Variants in XKR9 observed in about 807,000 individuals in gnomAD.
The protein encoded by XKR9 is XK related 9.
XKR9 carries 32 observed loss-of-function variants against 32.0 expected under a neutral mutation model. The observed-to-expected ratio is 1.00, with a 90% CI of 0.76 to 1.34. The LOEUF (loss-of-function observed/expected upper bound fraction) is 1.34. XKR9 is among the 40% of genes most tolerant of loss of function. The pLI, the probability that XKR9 is intolerant of heterozygous loss-of-function variation, is 0.00. For missense variants in XKR9, 546 were observed against 429.7 expected (o/e 1.27, Z -2.39); for synonymous variants, 168 against 143.4 (o/e 1.17, Z -1.22).
downstream of XKR9, among the ~76,000 whole-genome samples, chr8:70,794,134 C>T (rs1290963274): frequency 2.0e-5 from 3 of 151,926 alleles, no homozygotes; most frequent in African/African-American, 7.3e-5. Context: ...GAATTTGTCT[C>T]CTTAAATTCA....
chr8:71,027,632 T>C, the XKR9 span, among the ~76,000 whole-genome samples: 2 of 152,078 alleles, frequency 1.3e-5, no homozygotes, highest in Non-Finnish European at 2.9e-5. Context: ...AGGTCTTTCC[T>C]TTTAATGACA....
At chr8:70,921,852 C>A in the XKR9 span, among the ~76,000 whole-genome samples, 9 of 152,142 alleles carry the variant, frequency 5.9e-5, no homozygotes, top group African/African-American at 2.2e-4. Flanking sequence ...CACCAGATAC[C>A]CTTTTTTTCT....
the XKR9 span, among the ~76,000 whole-genome samples, chr8:70,828,715 T>C: frequency 2.2e-5 from 3 of 134,340 alleles, no homozygotes; most frequent in African/African-American, 8.2e-5. Context: ...AGGAAGACTA[T>C]GTCTCAAAAA....
the XKR9 span, among the ~76,000 whole-genome samples, chr8:71,050,512 T>A: frequency 6.6e-6 from 1 of 152,066 alleles, no homozygotes; most frequent in South Asian, 2.1e-4. Context: ...ATATCATGGA[T>A]ATCTATCCGA....
At chr8:70,690,328 T>G (rs1406999560) in intron 3 of XKR9, among the ~76,000 whole-genome samples, 1 of 152,080 alleles carries the variant, frequency 6.6e-6, no homozygotes, top group East Asian at 1.9e-4. Context: ...TTCTTACAAT[T>G]TAGCTCCCAC....
At position 70,690,715 on chromosome 8, in the gene XKR9, T is replaced by A. The variant is rs116627590; in HGVS notation, c.272+9385T>A. On this transcript the variant is annotated intron_variant, in intron 3 of 4. Transcript: ENST00000408926. ...TATTCCTACGTTAGTTTGCTAAGGATGATAGCCTCCAGCTCCTTCTGTGTT... is the reference window on the plus strand; with the variant it reads ...TATTCCTACGTTAGTTTGCTAAGGAAGATAGCCTCCAGCTCCTTCTGTGTT... Among the ~76,000 whole-genome samples the A allele has an allele frequency of 6.4e-3, 972 of 152,312 alleles. 11 individuals are homozygous for A. Among genetic ancestry groups the A allele is most frequent in the African/African-American group, 0.021 (887 of 41,566 alleles).
At chr8:70,779,214 C>G (rs942842844) in intron 2 of XKR9, among the ~76,000 whole-genome samples, 2 of 151,792 alleles carry the variant, frequency 1.3e-5, no homozygotes, top group Non-Finnish European at 2.9e-5. Context: ...TAGATAATCA[C>G]GTGGTTTTTT....
At chr8:70,808,395 C>T in the XKR9 span, among the ~76,000 whole-genome samples, 1 of 151,970 alleles carries the variant, frequency 6.6e-6, no homozygotes, top group Non-Finnish European at 1.5e-5. Context: ...ATGATTTCTG[C>T]ATTTCCAACT....
chr8:70,989,950 G>T, the XKR9 span, among the ~76,000 whole-genome samples: 1 of 152,136 alleles, frequency 6.6e-6, no homozygotes, highest in Non-Finnish European at 1.5e-5. Context: ...GTCATTTTGT[G>T]TCTCGCTAAT....
the XKR9 span, among the ~76,000 whole-genome samples, chr8:71,021,857 T>C: frequency 6.6e-6 from 1 of 152,190 alleles, no homozygotes; most frequent in Admixed American, 6.5e-5. Context: ...GATTCATCCA[T>C]TTTTATTTTT....
chr8:71,048,136 G>A, the XKR9 span, among the ~76,000 whole-genome samples: 2 of 152,160 alleles, frequency 1.3e-5, no homozygotes, highest in African/African-American at 4.8e-5. Flanking sequence ...TTGTCTCCAT[G>A]TTGTATAAAT....
At chr8:71,058,574 G>C in the XKR9 span, among the ~76,000 whole-genome samples, 73,357 of 152,088 alleles carry the variant, frequency 0.48, 18,602 homozygotes, top group Non-Finnish European at 0.57. Flanking sequence ...GTGAGTGTAA[G>C]AACTGAGATC....
the XKR9 span, among the ~76,000 whole-genome samples, chr8:71,038,587 G>A: frequency 6.6e-6 from 1 of 151,004 alleles, no homozygotes; most frequent in African/African-American, 2.4e-5. Flanking sequence ...AAAAGTGCTG[G>A]GATTACAGGC....
At chr8:70,804,650 T>C in the XKR9 span, among the ~76,000 whole-genome samples, 1 of 152,232 alleles carries the variant, frequency 6.6e-6, no homozygotes, top group Non-Finnish European at 1.5e-5. Flanking sequence ...AAACATACTG[T>C]TGTCTCTAAA....
chr8:70,792,736 C>T (rs1807780199), downstream of XKR9, among the ~76,000 whole-genome samples: 1 of 151,936 alleles, frequency 6.6e-6, no homozygotes, highest in Non-Finnish European at 1.5e-5. Flanking sequence ...CCAACATTAC[C>T]AAAAGTTGCA....
chr8:71,040,698 A>G, the XKR9 span, among the ~76,000 whole-genome samples: 1 of 152,168 alleles, frequency 6.6e-6, no homozygotes, highest in Non-Finnish European at 1.5e-5. Flanking sequence ...CATAAGTGTG[A>G]TTAACTTATA....
the XKR9 span, among the ~76,000 whole-genome samples, chr8:71,045,087 A>T: frequency 6.6e-6 from 1 of 152,178 alleles, no homozygotes; most frequent in African/African-American, 2.4e-5. Context: ...AGGTGTGGGG[A>T]GGAGGAGTAA....
At chr8:70,940,597 C>T in the XKR9 span, among the ~76,000 whole-genome samples, 1 of 151,996 alleles carries the variant, frequency 6.6e-6, no homozygotes, top group Non-Finnish European at 1.5e-5. Context: ...GGTTTTATTT[C>T]TTTATAACAC....
At chr8:71,014,272 C>T in the XKR9 span, among the ~76,000 whole-genome samples, 65,803 of 152,066 alleles carry the variant, frequency 0.43, 15,294 homozygotes, top group Non-Finnish European at 0.53. Context: ...AATATCATTG[C>T]ATTCATTTTC....
Sources: allele counts gnomAD v4.1 joint callset (sites outside exome capture counted in the v4.1 genomes callset), GRCh38; gene constraint gnomAD v4.1.1; transcripts MANE v1.5; gene names NCBI Gene and HGNC (gene_info 2026-07-23, HGNC 2026-07-21).